The following NXPH1 variants were observed in gnomAD, a reference collection of about 807,000 sequenced individuals.
NXPH1 encodes the protein neurexophilin-1.
NXPH1 carries 5 observed loss-of-function variants against 23.7 expected under a neutral mutation model. The observed-to-expected ratio is 0.21, with a 90% confidence interval of 0.11 to 0.44. NXPH1 has a LOEUF of 0.44. Ranked by LOEUF, NXPH1 falls within the 20% of genes least tolerant of loss-of-function variation. The pLI, the probability that NXPH1 is intolerant of heterozygous loss-of-function variation, is 0.99. For missense variants in NXPH1, 324 were observed against 321.6 expected (o/e 1.01, Z -0.06); for synonymous variants, 144 against 122.2 (o/e 1.18, Z -1.18).
At chr7:8,750,864 C>A in intron 2 of NXPH1, 144 bp from the exon 3 acceptor site, 3 of 738,170 alleles carry the variant, frequency 4.1e-6, no homozygotes, top group Middle Eastern at 3.9e-4. Flanking sequence ...TAGATCTCTG[C>A]TTTGGGTGTT....
At chr7:8,724,503 AC>A (rs143755144) in intron 2 of NXPH1, among the ~76,000 whole-genome samples, 1,588 of 152,302 alleles carry the variant, frequency 0.01, 27 homozygotes, top group African/African-American at 0.036. Context: ...ATTTTAAGCT[AC>A]ATTAAAAGAG....
chr7:8,520,310 A>G (rs1329202924), intron 2 of NXPH1, among the ~76,000 whole-genome samples: 5 of 152,166 alleles, frequency 3.3e-5, no homozygotes, highest in African/African-American at 1.2e-4. Context: ...ACTTCTTTTT[A>G]AGGGGAAAAG....
chr7:8,471,563 G>GCTTTTTC lies in NXPH1; in HGVS notation c.54+35799_54+35800insTTTCCTT, dbSNP rs548226474. On this transcript the variant is annotated intron_variant, in intron 2 of 2. Transcript: ENST00000405863. Reference sequence around the variant, plus strand: ...ACCTCCCTTAGGAACTCATTTTGTTGCTTCCTACAGAAAAGATCTTGACTT... The same window carrying GCTTTTTC: ...ACCTCCCTTAGGAACTCATTTTGTTGCTTTTTCCTTCCTACAGAAAAGATCTTGACTT... Among the ~76,000 whole-genome samples, 271 of 152,208 alleles carry GCTTTTTC rather than the reference G, an allele frequency of 1.8e-3. 1 individual carries two copies. Among genetic ancestry groups the GCTTTTTC allele is most frequent in the African/African-American group, 6.0e-3 (249 of 41,546 alleles).
chr7:8,447,404 G>T (rs955227666), intron 2 of NXPH1, among the ~76,000 whole-genome samples: 5 of 152,172 alleles, frequency 3.3e-5, no homozygotes, highest in Admixed American at 3.3e-4. Context: ...TCTTGATGTG[G>T]AACTTAATTG....
At chr7:8,594,222 T>C (rs1213074798) in intron 2 of NXPH1, among the ~76,000 whole-genome samples, 1 of 152,088 alleles carries the variant, frequency 6.6e-6, no homozygotes, top group African/African-American at 2.4e-5. Context: ...CAAGCTACAG[T>C]AGTTTTGAAA....
intron 2 of NXPH1, among the ~76,000 whole-genome samples, chr7:8,710,203 T>C (rs1441053920): frequency 6.6e-6 from 1 of 152,196 alleles, no homozygotes; most frequent in Non-Finnish European, 1.5e-5. Flanking sequence ...GGAGGGGTCC[T>C]GCAAGTTGAG....
At chr7:8,565,079 G>A (rs1818516008) in intron 2 of NXPH1, among the ~76,000 whole-genome samples, 2 of 151,690 alleles carry the variant, frequency 1.3e-5, no homozygotes, top group African/African-American at 4.8e-5. Flanking sequence ...AATCACCTGT[G>A]GCATATAAGA....
At position 8,614,796 on chromosome 7, in the gene NXPH1, C is replaced by T. The variant is rs114384323; in HGVS notation, c.55-136212C>T. On this transcript the variant is annotated intron_variant, in intron 2 of 2. Transcript: ENST00000405863. The stretch of plus-strand genomic sequence containing the variant: ...TAGGCTTAAATTGACTTTTCTCCTA[C>T]TTCTCTGTAAAGATTTATCAAAAGG... 4.0e-3 allele frequency among the ~76,000 whole-genome samples: 614 copies of T among 152,128 alleles called. 4 individuals carry two copies. Among genetic ancestry groups the T allele is most frequent in the African/African-American group, 0.014 (584 of 41,560 alleles).
At chr7:8,523,718 T>A (rs765323578) in intron 2 of NXPH1, among the ~76,000 whole-genome samples, 1 of 152,052 alleles carries the variant, frequency 6.6e-6, no homozygotes, top group Non-Finnish European at 1.5e-5. Context: ...GTTCCATGAG[T>A]GAATGAGTAA....
rs573233094 is a variant in NXPH1 at position 8,504,735 on chromosome 7, G to T, written c.54+68968G>T. Among the ~76,000 whole-genome samples the T allele has an allele frequency of 2.5e-3, 374 of 152,052 alleles. 1 individual carries two copies. The highest frequency in any genetic ancestry group is 4.8e-3 in the Non-Finnish European group (324 of 67,944). On this transcript the variant is annotated intron_variant, in intron 2 of 2. Coordinates refer to ENST00000405863, the MANE Select transcript of NXPH1 (RefSeq NM_152745.3). ...TGGGGTAATTGATTCATGAGGATAG[G>T]GTTCTCATTAACAGGATTAGTGCCT...
intron 2 of NXPH1, among the ~76,000 whole-genome samples, chr7:8,667,229 T>A (rs1296681307): frequency 6.6e-6 from 1 of 152,150 alleles, no homozygotes; most frequent in Non-Finnish European, 1.5e-5. Context: ...AGCCATTACA[T>A]TATTAGCATA....
rs369091443 is a variant in NXPH1, at chr7:8,751,784, G to C, written c.*15G>C. On this transcript the variant is annotated 3_prime_UTR_variant, in exon 3 of 3. Transcript: ENST00000405863. This position sits in a 1 kb window ranked among gnomAD's most constrained non-coding sequence, Gnocchi z 4.5. Reference sequence around the variant, plus strand: ...CCTCGGGATGAAGGTGAACATGGGGGTGAGACTGAAGCCTGAGGAATTAAA... The same window carrying C: ...CCTCGGGATGAAGGTGAACATGGGGCTGAGACTGAAGCCTGAGGAATTAAA... 2.0e-5 allele frequency: 32 copies of C among 1,596,630 alleles called. No homozygotes were observed. The East Asian group carries it at 6.0e-4, about 30-fold the overall frequency.
At chr7:8,558,391 T>TA (rs1818393737) in intron 2 of NXPH1, among the ~76,000 whole-genome samples, 1 of 151,666 alleles carries the variant, frequency 6.6e-6, no homozygotes, top group Admixed American at 6.6e-5. Flanking sequence ...CTTGAAGAGT[T>TA]AGAGCAGCTG....
intron 2 of NXPH1, among the ~76,000 whole-genome samples, chr7:8,450,369 C>G (rs1026204691): frequency 1.3e-5 from 2 of 152,208 alleles, no homozygotes; most frequent in Non-Finnish European, 2.9e-5. Flanking sequence ...AACTATGAAA[C>G]TTCAAATCTG....
chr7:8,633,995 G>A (rs138026562), intron 2 of NXPH1, among the ~76,000 whole-genome samples: 12 of 152,142 alleles, frequency 7.9e-5, no homozygotes, highest in Admixed American at 1.3e-4. Flanking sequence ...CCTATTATGG[G>A]GTCATTTATT....
chr7:8,501,569 A>C (rs1196385049), intron 2 of NXPH1, among the ~76,000 whole-genome samples: 1 of 152,094 alleles, frequency 6.6e-6, no homozygotes, highest in East Asian at 1.9e-4. Context: ...CTAGAGTCAC[A>C]TTTCAAATAT....
chr7:8,703,664 G>C (rs781187920), intron 2 of NXPH1, among the ~76,000 whole-genome samples: 1 of 152,054 alleles, frequency 6.6e-6, no homozygotes, highest in Non-Finnish European at 1.5e-5. Flanking sequence ...GGGTGGGATA[G>C]CTTTTTATGA....
At chr7:8,506,538 A>G (rs1817526246) in intron 2 of NXPH1, among the ~76,000 whole-genome samples, 1 of 152,096 alleles carries the variant, frequency 6.6e-6, no homozygotes, top group African/African-American at 2.4e-5. Flanking sequence ...ACTATTAATG[A>G]GTAAAGACAG....
intron 2 of NXPH1, among the ~76,000 whole-genome samples, chr7:8,732,546 A>G (rs1245167403): frequency 3.3e-5 from 5 of 152,314 alleles, no homozygotes; most frequent in East Asian, 3.9e-4. Context: ...AGGCATCTGT[A>G]TTTACTGACA....
Sources: gnomAD v4.1 joint callset for allele counts (sites outside exome capture counted in the v4.1 genomes callset) on GRCh38, gnomAD v4.1.1 for gene constraint, Gnocchi (gnomAD v3.1) non-coding constraint, MANE v1.5 for transcripts, NCBI Gene and HGNC (gene_info 2026-07-23, HGNC 2026-07-21) for gene names.